MYH15: variants seen among roughly 807,000 people sequenced by gnomAD.
MYH15 encodes the protein myosin heavy chain 15.
Under a neutral mutation model 240.5 loss-of-function variants are expected in MYH15, and 227 were observed. The ratio of observed to expected loss-of-function variants is 0.94; its 90% CI spans 0.85 to 1.05. The LOEUF (loss-of-function observed/expected upper bound fraction) is 1.05. MYH15 is among the 50% of genes least tolerant of loss of function. MYH15 has a pLI of 0.00. For missense variants in MYH15, 2,217 were observed against 2,247.5 expected (o/e 0.99, Z 0.27); for synonymous variants, 785 against 796.7 (o/e 0.99, Z 0.25).
intron 27 of MYH15, among the ~76,000 whole-genome samples, chr3:108,423,121 G>C (rs1005089920): frequency 6.6e-6 from 1 of 152,158 alleles, no homozygotes; most frequent in African/African-American, 2.4e-5. Flanking sequence ...GTCCCTGCTT[G>C]AGCGCTTGCC....
intron 26 of MYH15, among the ~76,000 whole-genome samples, chr3:108,429,534 C>G (rs1032448288): frequency 6.6e-6 from 1 of 152,082 alleles, no homozygotes; most frequent in Non-Finnish European, 1.5e-5. Context: ...AAGGTGATAA[C>G]AACTCTCAGA....
intron 21 of MYH15, among the ~76,000 whole-genome samples, chr3:108,451,884 G>A (rs2082977278): frequency 1.3e-5 from 2 of 151,562 alleles, no homozygotes; most frequent in African/African-American, 4.9e-5. Flanking sequence ...GAAAAACCAT[G>A]TGATTGTTTC....
In MYH15 at chr3:108,460,059, A is replaced by G. The variant is rs578004804; in HGVS notation, c.1932+241T>C. ...GCTAAGTGCAATTCTGACAACTCAG[A>G]GTTGTTATGAGCCAATATGCACATC... is the stretch of plus-strand genomic sequence containing the variant. On this transcript the variant is annotated intron_variant, in intron 17 of 40. Transcript: ENST00000693548. 3.3e-5 allele frequency among the ~76,000 whole-genome samples: 5 copies of G among 152,242 alleles called. No individual in the cohort carries two copies. The South Asian group carries it at 1.0e-3, about 32-fold the overall frequency.
chr3:108,450,280 G>C (rs2082961581), intron 21 of MYH15, among the ~76,000 whole-genome samples: 1 of 152,098 alleles, frequency 6.6e-6, no homozygotes, highest in East Asian at 1.9e-4. Context: ...ATTTGCAATA[G>C]CCAAGATATG....
chr3:108,502,657 A>G (rs1257012542), intron 2 of MYH15, among the ~76,000 whole-genome samples: 2 of 152,180 alleles, frequency 1.3e-5, no homozygotes, highest in African/African-American at 4.8e-5. Context: ...GATTCTTCTC[A>G]CAGGTTTCCT....
chr3:108,412,869 T>C (rs1322994600), intron 30 of MYH15, among the ~76,000 whole-genome samples: 1 of 152,188 alleles, frequency 6.6e-6, no homozygotes, highest in Non-Finnish European at 1.5e-5. Flanking sequence ...GATTGTTTTG[T>C]AGCTGCCTAC....
chr3:108,430,180 T>G (rs2082766915), intron 26 of MYH15, among the ~76,000 whole-genome samples: 2 of 152,154 alleles, frequency 1.3e-5, no homozygotes, highest in African/African-American at 4.8e-5. Context: ...AAGATAAATA[T>G]CAGAAAGATG....
chr3:108,421,052 A>G (rs2082678364), intron 28 of MYH15, 36 bp downstream of exon 28: 1 of 1,612,414 alleles, frequency 6.2e-7, no homozygotes, highest in East Asian at 2.2e-5. Flanking sequence ...GCTGGGATTG[A>G]GAATTGCCTA....
chr3:108,539,746 AGAGAT>A, the MYH15 span, among the ~76,000 whole-genome samples: 2 of 152,162 alleles, frequency 1.3e-5, no homozygotes, highest in Non-Finnish European at 2.9e-5. Flanking sequence ...AATTTAGAGT[AGAGAT>A]AATATTATCT....
chr3:108,535,261 TCACA>T, the MYH15 span, among the ~76,000 whole-genome samples: 9 of 152,250 alleles, frequency 5.9e-5, no homozygotes, highest in East Asian at 1.7e-3. Context: ...ACTGGGTGGC[TCACA>T]AACAGCAGAA....
chr3:108,431,819 A>G (rs1413089933), intron 25 of MYH15, among the ~76,000 whole-genome samples: 1 of 152,212 alleles, frequency 6.6e-6, no homozygotes, highest in South Asian at 2.1e-4. Context: ...AAATGCTGAT[A>G]ATGAAATGGA....
At chr3:108,496,781 C>A (rs1443422440) in intron 6 of MYH15, among the ~76,000 whole-genome samples, 3 of 148,392 alleles carry the variant, frequency 2.0e-5, no homozygotes, top group Admixed American at 2.0e-4. Context: ...AATGGCTAGA[C>A]CAAACCATTT....
chr3:108,444,669 T>G lies in MYH15; in HGVS notation c.2626A>C (p.Lys876Gln), dbSNP rs769778010. The G allele has an allele frequency of 1.2e-6, 2 of 1,613,948 alleles. No individual in the cohort carries two copies. Among genetic ancestry groups the G allele is most frequent in the Admixed American group, 3.3e-5 (2 of 59,994 alleles). Residue 876 changes from lysine to glutamine, a missense_variant, in exon 22 of 41, where the codon AAA becomes CAA. By Grantham distance (53) the Lys-to-Gln change is moderately conservative. Transcript: ENST00000693548. ...KAKQVSLTQE[K>Q]NDLILQLQAE... ...TGAAGCTGAAGAATCAGGTCATTTT[T>G]TTCCTGAGTGAGGGATACTTGCTTT...
the MYH15 span, among the ~76,000 whole-genome samples, chr3:108,542,526 T>C: frequency 3.3e-5 from 5 of 152,224 alleles, no homozygotes; most frequent in Admixed American, 2.0e-4. Context: ...ATTTCCTCCA[T>C]GTCTTCATAG....
At chr3:108,493,022 AAAGGAAGG>A (rs61139688) in intron 8 of MYH15, 84 bp downstream of exon 8, 139 of 682,974 alleles carry the variant, frequency 2.0e-4, no homozygotes, top group African/African-American at 7.3e-4. Flanking sequence ...AGAAAGAAGA[AAAGGAAGG>A]AAGGAAGGAA....
rs77822465 is a variant in MYH15, at chr3:108,420,593, A to C, written c.3829+495T>G. 1.5e-3 allele frequency among the ~76,000 whole-genome samples: 229 copies of C among 152,296 alleles called. 1 individual carries two copies. The highest frequency in any genetic ancestry group is 5.3e-3 in the African/African-American group (222 of 41,570). On this transcript the variant is annotated intron_variant, in intron 28 of 40. Coordinates refer to ENST00000693548, the MANE Select transcript of MYH15 (RefSeq NM_014981.3). ...GCATAGAGGTCGACGTGGCCAACGC[A>C]GATTGAGAGTTCAAGGGCAAGTAGG...
the MYH15 span, among the ~76,000 whole-genome samples, chr3:108,549,516 T>C: frequency 6.6e-6 from 1 of 152,100 alleles, no homozygotes; most frequent in South Asian, 2.1e-4. Context: ...TATAATGGGG[T>C]AATTATTTAT....
At position 108,447,793 on chromosome 3, in the gene MYH15, C is replaced by T. The variant is rs1247959218; in HGVS notation, c.2400-2898G>A. Among the ~76,000 whole-genome samples the T allele has an allele frequency of 3.9e-5, 6 of 152,144 alleles. No homozygotes were observed. The South Asian group carries it at 1.2e-3, about 32-fold the overall frequency. On this transcript the variant is annotated intron_variant, in intron 21 of 40. Coordinates refer to ENST00000693548, the MANE Select transcript of MYH15 (RefSeq NM_014981.3). ...AAAATATATAAAAGTGTAAAACTCA[C>T]TGAAAAGAATATAGTCAAATTCAGA...
intron 2 of MYH15, 119 bp downstream of exon 2, chr3:108,505,604 G>C: frequency 2.1e-6 from 1 of 480,260 alleles, no homozygotes; most frequent in Non-Finnish European, 3.5e-6. Flanking sequence ...GAATGACTCC[G>C]AAGTGAGTCA....
Sources: gnomAD v4.1 joint callset for allele counts (sites outside exome capture counted in the v4.1 genomes callset) on GRCh38, gnomAD v4.1.1 for gene constraint, MANE v1.5 for transcripts, NCBI Gene and HGNC (gene_info 2026-07-23, HGNC 2026-07-21) for gene names.